PCSK5: variants seen among roughly 807,000 people sequenced by gnomAD.
PCSK5 encodes prohormone convertase 5.
In PCSK5, 129 loss-of-function variants were observed where a neutral mutation model predicts 233.2. The observed-to-expected ratio is 0.55, with a 90% CI of 0.48 to 0.64. The LOEUF is 0.64. Ranked by LOEUF, PCSK5 falls within the 30% of genes least tolerant of loss-of-function variation. The pLI is 0.00. For synonymous variants in PCSK5, 825 were observed against 879.2 expected (o/e 0.94, Z 1.09); for missense variants, 2,076 against 2,430.1 (o/e 0.85, Z 3.06).
chr9:76,181,852 A>C (rs1823885377), intron 16 of PCSK5, among the ~76,000 whole-genome samples: 1 of 152,180 alleles, frequency 6.6e-6, no homozygotes, highest in Non-Finnish European at 1.5e-5. Flanking sequence ...CGTGCTCATG[A>C]ACTCACAGAT....
chr9:75,893,733 A>C (rs1056796894), intron 1 of PCSK5, among the ~76,000 whole-genome samples: 6 of 152,230 alleles, frequency 3.9e-5, no homozygotes, highest in Admixed American at 2.6e-4. Context: ...GAAAGTTTAC[A>C]TACAAATAAC....
chr9:76,064,498 G>A (rs933780907), intron 5 of PCSK5, among the ~76,000 whole-genome samples: 3 of 148,994 alleles, frequency 2.0e-5, no homozygotes, highest in Non-Finnish European at 4.5e-5. Context: ...CGGCTGGCCG[G>A]GCGGGGGGCT....
At chr9:76,332,707 A>G (rs1318578312) in intron 34 of PCSK5, 97 bp downstream of exon 34, 2 of 921,782 alleles carry the variant, frequency 2.2e-6, no homozygotes, top group Non-Finnish European at 3.3e-6. Context: ...GAACACTTAT[A>G]AAACCAGGTT....
intron 24 of PCSK5, among the ~76,000 whole-genome samples, chr9:76,248,345 G>C (rs1027861036): frequency 6.6e-6 from 1 of 152,086 alleles, no homozygotes; most frequent in Non-Finnish European, 1.5e-5. Flanking sequence ...AGGACAATTA[G>C]AGCATTTTTT....
At chr9:75,991,749 C>T (rs897848598) in intron 3 of PCSK5, among the ~76,000 whole-genome samples, 3 of 152,118 alleles carry the variant, frequency 2.0e-5, no homozygotes, top group East Asian at 1.9e-4. Flanking sequence ...CGTTTTTTCA[C>T]GACTAAAGAA....
At chr9:76,038,406 C>T (rs1464196959) in intron 5 of PCSK5, among the ~76,000 whole-genome samples, 2 of 152,174 alleles carry the variant, frequency 1.3e-5, no homozygotes, top group Non-Finnish European at 2.9e-5. Flanking sequence ...TTTGAATTCA[C>T]ACTGGTCAGC....
intron 18 of PCSK5, 99 bp downstream of exon 18, chr9:76,188,774 G>A: frequency 1.2e-6 from 1 of 824,888 alleles, no homozygotes; most frequent in Non-Finnish European, 2.0e-6. Flanking sequence ...TACTTTTAAA[G>A]TAATGCTGGA....
At chr9:76,242,761 T>G (rs954032143) in intron 24 of PCSK5, among the ~76,000 whole-genome samples, 1 of 152,210 alleles carries the variant, frequency 6.6e-6, no homozygotes, top group African/African-American at 2.4e-5. Flanking sequence ...TTTGCTGTTG[T>G]GTGTTGTGTG....
chr9:76,176,787 T>A (rs1275011347), intron 14 of PCSK5, among the ~76,000 whole-genome samples: 2 of 152,214 alleles, frequency 1.3e-5, no homozygotes, highest in African/African-American at 4.8e-5. Context: ...GCCACTTTGC[T>A]TAACTCTCTC....
At chr9:75,906,444 C>T (rs1826268970) in intron 1 of PCSK5, among the ~76,000 whole-genome samples, 1 of 152,108 alleles carries the variant, frequency 6.6e-6, no homozygotes, top group African/African-American at 2.4e-5. Context: ...TCAGGCTGGT[C>T]TCGAGCTCCT....
intron 24 of PCSK5, among the ~76,000 whole-genome samples, chr9:76,275,573 C>A (rs558137677): frequency 5.5e-4 from 83 of 152,184 alleles, no homozygotes; most frequent in African/African-American, 1.6e-3. Flanking sequence ...TACAGGCATG[C>A]ACCACCACAC....
At chr9:76,209,692 A>G (rs1271140055) in intron 20 of PCSK5, among the ~76,000 whole-genome samples, 1 of 152,116 alleles carries the variant, frequency 6.6e-6, no homozygotes, top group Non-Finnish European at 1.5e-5. Flanking sequence ...ATTACTCTTG[A>G]CCTTAAAGAG....
In PCSK5 at chr9:76,071,732, G is replaced by A. The variant is rs1830488197; in HGVS notation, c.728G>A (p.Arg243Gln). 1 of 1,611,914 alleles carries A rather than the reference G, an allele frequency of 6.2e-7. No homozygotes were observed. Residue 243 changes from arginine to glutamine, a missense_variant, in exon 7 of 38, where the codon CGA becomes CAA. Coordinates refer to ENST00000674117, the MANE Select transcript of PCSK5 (RefSeq NM_001372043.1). ...IAFNAKIGGV[R>Q]MLDGDVTDMV... is the part of the protein sequence containing the mutation. Reference sequence around the variant, plus strand: ...TCTCCTTTCTGTGTTGAAGGAGTGCGAATGCTGGACGGAGATGTCACGGAC... The same window carrying A: ...TCTCCTTTCTGTGTTGAAGGAGTGCAAATGCTGGACGGAGATGTCACGGAC...
intron 9 of PCSK5, among the ~76,000 whole-genome samples, chr9:76,131,441 C>T (rs1462135650): frequency 2.0e-5 from 3 of 152,068 alleles, no homozygotes; most frequent in Non-Finnish European, 4.4e-5. Flanking sequence ...TGAAGTTGTG[C>T]ATTACCAAAT....
At chr9:75,928,862 C>A (rs1256127214) in intron 1 of PCSK5, among the ~76,000 whole-genome samples, 2 of 151,732 alleles carry the variant, frequency 1.3e-5, no homozygotes, top group East Asian at 3.9e-4. Flanking sequence ...CTTTGATACT[C>A]ATACTAGAGA....
intron 23 of PCSK5, 42 bp downstream of exon 23, chr9:76,239,207 G>GA: frequency 6.7e-7 from 1 of 1,482,790 alleles, no homozygotes; most frequent in South Asian, 1.2e-5. Context: ...CCGAACATGG[G>GA]AGGAGGGGCT....
intron 3 of PCSK5, among the ~76,000 whole-genome samples, chr9:76,000,196 G>C (rs1276165265): frequency 6.6e-6 from 1 of 152,086 alleles, no homozygotes; most frequent in Non-Finnish European, 1.5e-5. Flanking sequence ...GAAGAATCTA[G>C]GTTATTTCAG....
At chr9:75,958,979 C>G (rs576650601) in intron 2 of PCSK5, among the ~76,000 whole-genome samples, 3 of 152,182 alleles carry the variant, frequency 2.0e-5, no homozygotes, top group Non-Finnish European at 4.4e-5. Flanking sequence ...CTTCAAAGGT[C>G]TAACCTTGCA....
intron 7 of PCSK5, among the ~76,000 whole-genome samples, chr9:76,074,044 C>T (rs60175593): frequency 0.11 from 15,977 of 152,128 alleles, 1,259 homozygotes; most frequent in East Asian, 0.36. Context: ...TGAAAGTAAA[C>T]TATGCTTATT....
Sources: allele counts gnomAD v4.1 joint callset (sites outside exome capture counted in the v4.1 genomes callset), GRCh38; gene constraint gnomAD v4.1.1; transcripts MANE v1.5; gene names NCBI Gene and HGNC (gene_info 2026-07-23, HGNC 2026-07-21).